The following DDHD1 variants were observed in gnomAD, a reference collection of about 807,000 sequenced individuals.
The protein encoded by DDHD1 is phospholipase DDHD1.
A neutral mutation model predicts 96.4 loss-of-function variants in DDHD1; 49 were observed. The ratio of observed to expected loss-of-function variants is 0.51; its 90% CI spans 0.40 to 0.64. The LOEUF is 0.64. DDHD1 is among the 30% of genes least tolerant of loss of function. The pLI, the probability that DDHD1 is intolerant of heterozygous loss-of-function variation, is 0.00. For missense variants in DDHD1, 1,106 were observed against 1,161.2 expected, an observed-to-expected ratio of 0.95 and a Z score of 0.69; for synonymous variants, 442 against 446.5, an observed-to-expected ratio of 0.99 and a Z score of 0.13.
At chr14:53,111,420 C>A (rs1888095801) in intron 1 of DDHD1, among the ~76,000 whole-genome samples, 1 of 151,876 alleles carries the variant, frequency 6.6e-6, no homozygotes, top group Non-Finnish European at 1.5e-5. Context: ...GACTGGGTAG[C>A]TATTGGTGAT....
chr14:53,103,120 G>T, intron 2 of DDHD1: 1 of 1,475,610 alleles, frequency 6.8e-7, no homozygotes, highest in South Asian at 1.2e-5. Flanking sequence ...TCAAGATTTA[G>T]ACACACAATG....
chr14:53,087,834 C>T (rs537265080), intron 4 of DDHD1, among the ~76,000 whole-genome samples: 17 of 151,790 alleles, frequency 1.1e-4, no homozygotes, highest in Non-Finnish European at 2.2e-4. Flanking sequence ...AAGGAAATAG[C>T]GACACAAAAA....
chr14:53,131,204 A>T (rs1299694228), intron 1 of DDHD1, among the ~76,000 whole-genome samples: 1 of 152,170 alleles, frequency 6.6e-6, no homozygotes, highest in Non-Finnish European at 1.5e-5. Context: ...CCTGGGCTAC[A>T]GCCACACCTC....
chr14:53,123,118 A>G (rs568334640), intron 1 of DDHD1, among the ~76,000 whole-genome samples: 295 of 6,254 alleles, frequency 0.047, no homozygotes, highest in African/African-American at 0.1. Flanking sequence ...AATTGCTGTT[A>G]TTATTATTAT....
intron 4 of DDHD1, among the ~76,000 whole-genome samples, chr14:53,083,384 C>A (rs897304382): frequency 6.6e-6 from 1 of 152,106 alleles, no homozygotes; most frequent in Non-Finnish European, 1.5e-5. Flanking sequence ...TTAAACTCCA[C>A]AAAAAGTAAA....
intron 1 of DDHD1, among the ~76,000 whole-genome samples, chr14:53,106,759 T>C (rs115821205): frequency 0.01 from 1,594 of 152,328 alleles, 32 homozygotes; most frequent in African/African-American, 0.035. Flanking sequence ...TAAAATCTAA[T>C]AGTTTTACTA....
intron 1 of DDHD1, among the ~76,000 whole-genome samples, chr14:53,145,834 T>C (rs1472467156): frequency 7.2e-5 from 11 of 152,218 alleles, no homozygotes; most frequent in East Asian, 1.9e-4. Context: ...CCAGCAGTCA[T>C]TGAAGAGTTT....
Position 53,093,438 on chromosome 14 carries a change from T to C in DDHD1, c.1019A>G (p.His340Arg), listed in dbSNP as rs1217931092. 6.2e-7 allele frequency: 1 copy of C among 1,609,760 alleles called. No individual in the cohort carries two copies. Among genetic ancestry groups the C allele is most frequent in the Admixed American group, 1.7e-5 (1 of 59,258 alleles). ...ATGGTTTCGACTCAACTTGAAACTA[T>C]GAACAGCTATTGCAAAAAGGAAAAG... ...SKSIDGKDAVHSFKLSRNHVD... is the reference protein window; with the variant it reads ...SKSIDGKDAVRSFKLSRNHVD... The change falls in exon 3 of 13, where the codon CAT (histidine) becomes CGT (arginine). Residue 340 changes from histidine (H) to arginine (R), a missense_variant. By Grantham distance (29) the His-to-Arg change is conservative. Coordinates refer to ENST00000673822, the MANE Select transcript of DDHD1 (RefSeq NM_001160148.2).
rs1881707569 is a variant in DDHD1 at position 53,042,201 on chromosome 14, G to T, written c.*4567C>A. 1 of 152,202 alleles carries T rather than the reference G, an allele frequency of 6.6e-6. No homozygotes were observed. The highest frequency in any genetic ancestry group is 1.5e-5 in the Non-Finnish European group (1 of 68,046). 9.4% of individuals were successfully genotyped at this position (152,202 alleles called of 1,614,324 possible). A position where few individuals can be genotyped will look rare whatever the true frequency, so the allele number is the denominator to read the frequency against. The stretch of plus-strand genomic sequence containing the variant: ...GGAGGCCCCCACGCAGCACCAGATA[G>T]ATTCACAGAGCATTTAGTGTAGCAA... On this transcript the variant is annotated 3_prime_UTR_variant, in exon 13 of 13. Coordinates refer to ENST00000673822, the MANE Select transcript of DDHD1 (RefSeq NM_001160148.2).
At chr14:53,149,434 T>C (rs1439521786) in intron 1 of DDHD1, among the ~76,000 whole-genome samples, 2 of 152,142 alleles carry the variant, frequency 1.3e-5, no homozygotes, top group Admixed American at 1.3e-4. Flanking sequence ...AGCTGCAACG[T>C]ATAGTATGAG....
At position 53,043,042 on chromosome 14, in the gene DDHD1, C is replaced by A. The variant is rs1881762197; in HGVS notation, c.*3726G>T. ...GAAAATCTTTTGGCTTGATCTGACT[C>A]CACTGGAAGGGGCTCATGTACTATC... On this transcript the variant is annotated 3_prime_UTR_variant, in exon 13 of 13. Coordinates refer to ENST00000673822, the MANE Select transcript of DDHD1 (RefSeq NM_001160148.2). 1 of 152,128 alleles carries A rather than the reference C, an allele frequency of 6.6e-6. No homozygotes were observed. The highest frequency in any genetic ancestry group is 1.5e-5 in the Non-Finnish European group (1 of 68,032). 9.4% of individuals were successfully genotyped at this position (152,128 alleles called of 1,614,324 possible). A position where few individuals can be genotyped will look rare whatever the true frequency, so the allele number is the denominator to read the frequency against.
chr14:53,134,860 C>A (rs1395964937), intron 1 of DDHD1, among the ~76,000 whole-genome samples: 1 of 152,114 alleles, frequency 6.6e-6, no homozygotes, highest in African/African-American at 2.4e-5. Context: ...TCAATTCATA[C>A]AAAACTGCAT....
chr14:53,100,045 CA>C lies in DDHD1; in HGVS notation c.1012+3637del, dbSNP rs1595174166. Among the ~76,000 whole-genome samples, 5 of 151,420 alleles carry C rather than the reference CA, an allele frequency of 3.3e-5. No individual in the cohort carries two copies. The South Asian group carries it at 1.0e-3, about 32-fold the overall frequency. ...TCTGCAGATTCAACCAACCACAGAC[CA>C]AAAATATGTGGGGAAAAAAACAATA... On this transcript the variant is annotated intron_variant, in intron 2 of 12. Transcript: ENST00000673822.
intron 4 of DDHD1, among the ~76,000 whole-genome samples, chr14:53,082,434 C>G (rs915750461): frequency 3.4e-5 from 5 of 145,168 alleles, no homozygotes; most frequent in Non-Finnish European, 1.5e-5. Context: ...CAGTGATCTC[C>G]AAGATACCTT....
At chr14:53,095,156 C>G (rs1286344746) in intron 2 of DDHD1, among the ~76,000 whole-genome samples, 2 of 152,114 alleles carry the variant, frequency 1.3e-5, no homozygotes, top group African/African-American at 4.8e-5. Flanking sequence ...CTTTATAGCT[C>G]TGGTATATAG....
At chr14:53,130,656 C>G (rs1187144443) in intron 1 of DDHD1, among the ~76,000 whole-genome samples, 4 of 152,240 alleles carry the variant, frequency 2.6e-5, no homozygotes, top group African/African-American at 9.6e-5. Flanking sequence ...ACCTCCTCCC[C>G]CAGGATCTTG....
chr14:53,054,289 G>T, intron 11 of DDHD1, 149 bp downstream of exon 11: 1 of 624,416 alleles, frequency 1.6e-6, no homozygotes, highest in Non-Finnish European at 2.6e-6. Context: ...AAAAATATAA[G>T]CAGAAGGAAA....
At chr14:53,058,238 GTGATTCTCC>G (rs1883233636) in intron 9 of DDHD1, among the ~76,000 whole-genome samples, 1 of 152,174 alleles carries the variant, frequency 6.6e-6, no homozygotes, top group Non-Finnish European at 1.5e-5. Flanking sequence ...CCAGGTTCAA[GTGATTCTCC>G]TGCCTTACAG....
At chr14:53,073,318 C>A (rs1462476037) in intron 5 of DDHD1, among the ~76,000 whole-genome samples, 1 of 151,826 alleles carries the variant, frequency 6.6e-6, no homozygotes, top group Non-Finnish European at 1.5e-5. Context: ...AAACAAAAAA[C>A]CTGAGATTTT....
Sources: allele counts gnomAD v4.1 joint callset (sites outside exome capture counted in the v4.1 genomes callset), GRCh38; gene constraint gnomAD v4.1.1; transcripts MANE v1.5; gene names NCBI Gene and HGNC (gene_info 2026-07-23, HGNC 2026-07-21).